The following TADA2A variants were observed in gnomAD, a reference collection of about 807,000 sequenced individuals.
TADA2A encodes the protein transcriptional adaptor 2A.
TADA2A carries 38 observed loss-of-function variants against 67.4 expected under a neutral mutation model. The observed-to-expected ratio is 0.56, with a 90% CI of 0.44 to 0.74. The LOEUF (loss-of-function observed/expected upper bound fraction) is 0.74, where lower values mean the gene tolerates loss of function less well. Ranked by LOEUF, TADA2A falls within the 30% of genes least tolerant of loss-of-function variation. The probability of loss-of-function intolerance (pLI) is 0.00; values close to 1 mark genes in which losing one functional copy is unlikely to be tolerated. For missense variants in TADA2A, 454 were observed against 547.0 expected (o/e 0.83, Z 1.70); for synonymous variants, 192 against 181.6 (o/e 1.06, Z -0.46).
chr17:37,469,388 C>T (rs1016727861), intron 12 of TADA2A, among the ~76,000 whole-genome samples: 6 of 151,710 alleles, frequency 4.0e-5, no homozygotes, highest in African/African-American at 1.5e-4. Context: ...AATCCCAGCA[C>T]TTTGGGAGGC....
At chr17:37,413,067 T>C (rs182952380) in intron 2 of TADA2A, among the ~76,000 whole-genome samples, 1 of 151,966 alleles carries the variant, frequency 6.6e-6, no homozygotes, top group East Asian at 2.0e-4. Context: ...GCTGGGAGTA[T>C]AGGCGTCTGC....
At chr17:37,435,362 C>T (rs1229213455) in intron 4 of TADA2A, among the ~76,000 whole-genome samples, 5 of 152,188 alleles carry the variant, frequency 3.3e-5, no homozygotes, top group African/African-American at 1.2e-4. Flanking sequence ...CATCTCGGCT[C>T]ACCGCAAGCT....
In TADA2A at chr17:37,420,788, A is replaced by C. The variant is rs1208716427; in HGVS notation, c.26-2721A>C. Among the ~76,000 whole-genome samples the C allele has an allele frequency of 2.0e-5, 3 of 146,916 alleles. 1 individual carries two copies. The highest frequency in any genetic ancestry group is 7.4e-5 in the African/African-American group (3 of 40,542). ...AACATTTCTTGGACTTTAGGGAGGCAAATACTGTTACAGAATGTGAGAAAT... is the reference window on the plus strand; with the variant it reads ...AACATTTCTTGGACTTTAGGGAGGCCAATACTGTTACAGAATGTGAGAAAT... On this transcript the variant is annotated intron_variant, in intron 2 of 15. Transcript: ENST00000615182.
chr17:37,457,348 T>C (rs1051191845), intron 8 of TADA2A, among the ~76,000 whole-genome samples: 2 of 150,476 alleles, frequency 1.3e-5, no homozygotes, highest in African/African-American at 4.9e-5. Context: ...GCCCAGCCAA[T>C]ATTTGTATTT....
chr17:37,441,177 A>C (rs1368536174), intron 6 of TADA2A, among the ~76,000 whole-genome samples: 1 of 152,114 alleles, frequency 6.6e-6, no homozygotes, highest in Non-Finnish European at 1.5e-5. Flanking sequence ...TATACAGGAC[A>C]TCAAGGTGCT....
chr17:37,462,066 T>A lies in TADA2A; in HGVS notation c.669-12T>A. 2 of 1,561,382 alleles carry A rather than the reference T, an allele frequency of 1.3e-6. No homozygotes were observed. The highest frequency in any genetic ancestry group is 1.8e-6 in the Non-Finnish European group (2 of 1,140,024). On this transcript the variant is annotated splice_polypyrimidine_tract_variant and intron_variant, in intron 9 of 15. Transcript: ENST00000615182. Reference sequence around the variant, plus strand: ...ATTCTAATGCACAAATTATTGTGGCTTTTCATTCTAGAATTATAAGAGACC... The same window carrying A: ...ATTCTAATGCACAAATTATTGTGGCATTTCATTCTAGAATTATAAGAGACC...
At chr17:37,442,413 T>C (rs1318128725) in intron 6 of TADA2A, 151 bp from the exon 7 acceptor site, 2 of 556,574 alleles carry the variant, frequency 3.6e-6, no homozygotes, top group Admixed American at 7.8e-5. Context: ...TGGTTTTTCT[T>C]TTTAAAAAAC....
chr17:37,452,806 G>T (rs1336914923), intron 8 of TADA2A, among the ~76,000 whole-genome samples: 1 of 151,834 alleles, frequency 6.6e-6, no homozygotes, highest in African/African-American at 2.4e-5. Context: ...GAAAACTATT[G>T]CCTTAAATCT....
intron 13 of TADA2A, 52 bp from the exon 14 acceptor site, chr17:37,471,042 A>C: frequency 1.2e-6 from 2 of 1,606,988 alleles, no homozygotes; most frequent in Non-Finnish European, 1.7e-6. Context: ...GGGCTTTTGG[A>C]AATCACCTTG....
Position 37,476,795 on chromosome 17 carries a change from A to G in TADA2A, c.1147-2A>G. On this transcript the variant is annotated splice_acceptor_variant, in intron 15 of 15. Transcript: ENST00000615182. LOFTEE classifies it high-confidence loss of function. ...GTTTATTAAATTTGCCGTGTCTTGC[A>G]GCTCTGTCAGATGGTGAGGTTGGTC... is the stretch of plus-strand genomic sequence containing the variant. 1 of 1,598,750 alleles carries G rather than the reference A, an allele frequency of 6.3e-7. No individual in the cohort carries two copies.
chr17:37,422,965 A>G (rs544283695), intron 2 of TADA2A, among the ~76,000 whole-genome samples: 1 of 152,212 alleles, frequency 6.6e-6, no homozygotes, highest in African/African-American at 2.4e-5. Context: ...GTGACTGGGC[A>G]TGGTAGCTCA....
At chr17:37,422,420 A>G (rs908321929) in intron 2 of TADA2A, among the ~76,000 whole-genome samples, 15 of 151,274 alleles carry the variant, frequency 9.9e-5, no homozygotes, top group South Asian at 4.2e-4. Context: ...AGAGCAGGCA[A>G]TCTGCCTGCC....
chr17:37,446,633 A>G (rs2053090496), intron 8 of TADA2A, among the ~76,000 whole-genome samples: 1 of 151,834 alleles, frequency 6.6e-6, no homozygotes, highest in Non-Finnish European at 1.5e-5. Context: ...TTTTTAAAAT[A>G]TTATTATTGT....
Position 37,458,511 on chromosome 17 carries a change from AATTT to A in TADA2A, c.605-8_605-5del, listed in dbSNP as rs750332510. 1 of 1,602,766 alleles carries A rather than the reference AATTT, an allele frequency of 6.2e-7. No individual in the cohort carries two copies. Among genetic ancestry groups the A allele is most frequent in the Non-Finnish European group, 8.5e-7 (1 of 1,171,716 alleles). On this transcript the variant is annotated splice_polypyrimidine_tract_variant and intron_variant, in intron 8 of 15. Coordinates refer to ENST00000615182, the MANE Select transcript of TADA2A (RefSeq NM_001166105.3). Reference sequence around the variant, plus strand: ...GATATGTATATATAGTATATGTATGAATTTATTTGTAGCTCTGAAGATGGCTGTG... The same window carrying A: ...GATATGTATATATAGTATATGTATGAATTTGTAGCTCTGAAGATGGCTGTG...
intron 4 of TADA2A, among the ~76,000 whole-genome samples, chr17:37,434,854 A>G (rs896083689): frequency 1.3e-5 from 2 of 152,138 alleles, no homozygotes; most frequent in Admixed American, 6.5e-5. Flanking sequence ...CTTTGTGGTT[A>G]TTATACTTAT....
At chr17:37,474,710 T>G in intron 15 of TADA2A, 81 bp downstream of exon 15, 2 of 1,432,274 alleles carry the variant, frequency 1.4e-6, no homozygotes, top group Non-Finnish European at 1.9e-6. Flanking sequence ...CATTACAGGG[T>G]CAAACCCCTT....
chr17:37,460,648 C>G (rs376147870), intron 9 of TADA2A, among the ~76,000 whole-genome samples: 1 of 152,316 alleles, frequency 6.6e-6, no homozygotes, highest in South Asian at 2.1e-4. Flanking sequence ...TTCAGGCATA[C>G]TGGTTCTTCC....
At chr17:37,449,017 GTT>G (rs11321678) in intron 8 of TADA2A, among the ~76,000 whole-genome samples, 13 of 147,218 alleles carry the variant, frequency 8.8e-5, no homozygotes, top group South Asian at 2.1e-4. Flanking sequence ...TGATTTCACT[GTT>G]TTTTTTTTTT....
At chr17:37,424,037 C>T (rs552399487) in intron 3 of TADA2A, among the ~76,000 whole-genome samples, 54 of 152,074 alleles carry the variant, frequency 3.6e-4, no homozygotes, top group Middle Eastern at 6.8e-3. Flanking sequence ...CGTGAGCCAC[C>T]GCACCCGGCC....
Sources: allele counts gnomAD v4.1 joint callset (sites outside exome capture counted in the v4.1 genomes callset), GRCh38; gene constraint gnomAD v4.1.1; transcripts MANE v1.5; gene names NCBI Gene and HGNC (gene_info 2026-07-23, HGNC 2026-07-21).